The following BORCS7 variants were observed in gnomAD, a reference collection of about 807,000 sequenced individuals.
The protein encoded by BORCS7 is BLOC-1 related complex subunit 7, also known as BLOC-1-related complex subunit 7.
Under a neutral mutation model 17.5 loss-of-function variants are expected in BORCS7, and 20 were observed. That is an observed-to-expected ratio of 1.14 (90% CI 0.80 to 1.66). The LOEUF (loss-of-function observed/expected upper bound fraction) is 1.66. Among genes scored for constraint, BORCS7 ranks in the 40% most tolerant of loss-of-function variants. BORCS7 has a pLI of 0.00. For synonymous variants in BORCS7, 57 were observed against 49.8 expected, an observed-to-expected ratio of 1.14 and a Z score of -0.61; for missense variants, 122 against 129.7, an observed-to-expected ratio of 0.94 and a Z score of 0.29.
At chr10:102,857,201 TCC>T (rs1018254517) in intron 1 of BORCS7, among the ~76,000 whole-genome samples, 7 of 152,120 alleles carry the variant, frequency 4.6e-5, no homozygotes, top group African/African-American at 1.7e-4. Flanking sequence ...AGCCAATGCT[TCC>T]CCATCAGCAC....
At position 102,854,315 on chromosome 10, in the gene BORCS7, A is replaced by C; in HGVS notation, c.29A>C (p.Gln10Pro). The change falls in exon 1 of 5, where the codon CAA becomes CCA. Residue 10 changes from glutamine to proline, a missense_variant. Coordinates refer to ENST00000339834, the MANE Select transcript of BORCS7 (RefSeq NM_001136200.2). ...ATGGCGACTGGAACGCCAGAGTCTCAAGCGCGGTTCGGTCAGTCCGTGAAG... is the reference window on the plus strand; with the variant it reads ...ATGGCGACTGGAACGCCAGAGTCTCCAGCGCGGTTCGGTCAGTCCGTGAAG... MMATGTPESQARFGQSVKGL... is the reference protein window; with the variant it reads MMATGTPESPARFGQSVKGL... The C allele has an allele frequency of 1.2e-6, 2 of 1,604,244 alleles. No individual in the cohort carries two copies. The highest frequency in any genetic ancestry group is 1.7e-6 in the Non-Finnish European group (2 of 1,175,566).
chr10:102,859,744 G>C (rs978116998), intron 1 of BORCS7, among the ~76,000 whole-genome samples: 3 of 150,362 alleles, frequency 2.0e-5, no homozygotes, highest in Non-Finnish European at 3.0e-5. Flanking sequence ...TGTATTTTTC[G>C]GTAGAGATGC....
chr10:102,861,728 C>CA (rs1387770442), intron 3 of BORCS7, among the ~76,000 whole-genome samples: 1 of 149,300 alleles, frequency 6.7e-6, no homozygotes, highest in Non-Finnish European at 1.5e-5. Context: ...AAAAAAAAAA[C>CA]AAAAAAACAA....
At chr10:102,858,982 C>T (rs540045282) in intron 1 of BORCS7, among the ~76,000 whole-genome samples, 2 of 151,824 alleles carry the variant, frequency 1.3e-5, no homozygotes, top group East Asian at 3.9e-4. Flanking sequence ...GGCCAGAAAT[C>T]TCTGTTGGTC....
intron 1 of BORCS7, among the ~76,000 whole-genome samples, chr10:102,855,524 A>C (rs2134095230): frequency 6.6e-6 from 1 of 151,980 alleles, no homozygotes; most frequent in South Asian, 2.1e-4. Context: ...TGTGTAAAAA[A>C]CTCATTCCAC....
At position 102,854,436 on chromosome 10, in the gene BORCS7, G is replaced by C; in HGVS notation, c.141+9G>C. ...GCTCCCGGAGCTCCGAGGTGAGCTG[G>C]AAGTGGACTCTCCCGGCCTGATAGT... On this transcript the variant is annotated intron_variant, in intron 1 of 4. Coordinates refer to ENST00000339834, the MANE Select transcript of BORCS7 (RefSeq NM_001136200.2). 1 of 1,532,690 alleles carries C rather than the reference G, an allele frequency of 6.5e-7. No homozygotes were observed. The highest frequency in any genetic ancestry group is 8.8e-7 in the Non-Finnish European group (1 of 1,131,694). The allele number at this position is 1,532,690 out of a possible 1,614,324, so 94.9% of individuals were successfully genotyped here.
chr10:102,862,120 T>C (rs1373881800), intron 3 of BORCS7, 40 bp from the exon 4 acceptor site: 2 of 1,566,604 alleles, frequency 1.3e-6, no homozygotes, highest in Admixed American at 3.4e-5. Flanking sequence ...AACTTATTAG[T>C]TCACTTATGT....
intron 1 of BORCS7, among the ~76,000 whole-genome samples, chr10:102,855,317 C>G (rs1246961778): frequency 6.6e-6 from 1 of 151,958 alleles, no homozygotes; most frequent in Non-Finnish European, 1.5e-5. Context: ...CACCACCACA[C>G]CTGGCTATTT....
In BORCS7 at chr10:102,854,317, G is replaced by C; in HGVS notation, c.31G>C (p.Ala11Pro). The change falls in exon 1 of 5, where the codon GCG (alanine) becomes CCG (proline). Residue 11 changes from alanine to proline, a missense_variant. Ala to Pro is a conservative substitution (Grantham distance 27). Transcript: ENST00000339834. ...GGCGACTGGAACGCCAGAGTCTCAAGCGCGGTTCGGTCAGTCCGTGAAGGG... is the reference window on the plus strand; with the variant it reads ...GGCGACTGGAACGCCAGAGTCTCAACCGCGGTTCGGTCAGTCCGTGAAGGG... Reference protein sequence around the residue: MMATGTPESQARFGQSVKGLL... With the variant: MMATGTPESQPRFGQSVKGLL... 6.2e-7 allele frequency: 1 copy of C among 1,603,570 alleles called. No individual in the cohort carries two copies. The highest frequency in any genetic ancestry group is 8.5e-7 in the Non-Finnish European group (1 of 1,175,226).
intron 1 of BORCS7, among the ~76,000 whole-genome samples, chr10:102,858,906 T>C (rs1046341140): frequency 3.9e-5 from 6 of 151,916 alleles, no homozygotes; most frequent in Admixed American, 2.0e-4. Flanking sequence ...GCCGGTAGGA[T>C]ACACATAACA....
chr10:102,854,432 G>A lies in BORCS7; in HGVS notation c.141+5G>A. ...AAAGGCTCCCGGAGCTCCGAGGTGA[G>A]CTGGAAGTGGACTCTCCCGGCCTGA... On this transcript the variant is annotated splice_donor_5th_base_variant and intron_variant, in intron 1 of 4. Transcript: ENST00000339834. 6.5e-7 allele frequency: 1 copy of A among 1,533,216 alleles called. No homozygotes were observed. The highest frequency in any genetic ancestry group is 8.8e-7 in the Non-Finnish European group (1 of 1,132,142). The allele number at this position is 1,533,216 out of a possible 1,614,324, so 95.0% of individuals were successfully genotyped here.
chr10:102,854,317 G>T lies in BORCS7; in HGVS notation c.31G>T (p.Ala11Ser), dbSNP rs1233460444. 6 of 1,603,570 alleles carry T rather than the reference G, an allele frequency of 3.7e-6. No individual in the cohort carries two copies. Among genetic ancestry groups the T allele is most frequent in the Non-Finnish European group, 5.1e-6 (6 of 1,175,226 alleles). ...GGCGACTGGAACGCCAGAGTCTCAA[G>T]CGCGGTTCGGTCAGTCCGTGAAGGG... MMATGTPESQ[A>S]RFGQSVKGLL... The change falls in exon 1 of 5, where the codon GCG becomes TCG. Residue 11 changes from alanine to serine, a missense_variant. Transcript: ENST00000339834.
intron 1 of BORCS7, among the ~76,000 whole-genome samples, chr10:102,855,151 T>G (rs527897096): frequency 1.3e-5 from 2 of 150,436 alleles, no homozygotes; most frequent in Non-Finnish European, 3.0e-5. Flanking sequence ...TTGAAGGAAG[T>G]ACTTTTCCTT....
chr10:102,858,965 A>C (rs1844471504), intron 1 of BORCS7, among the ~76,000 whole-genome samples: 1 of 151,744 alleles, frequency 6.6e-6, no homozygotes. Flanking sequence ...AGCAGGGTGC[A>C]GTATTAGGCC....
intron 3 of BORCS7, among the ~76,000 whole-genome samples, chr10:102,861,794 T>C (rs1844525847): frequency 6.6e-6 from 1 of 152,134 alleles, no homozygotes; most frequent in African/African-American, 2.4e-5. Flanking sequence ...CACTCTTCGA[T>C]ATTTAAATAG....
intron 3 of BORCS7, among the ~76,000 whole-genome samples, chr10:102,861,727 A>AC (rs1343731136): frequency 2.0e-5 from 3 of 149,500 alleles, no homozygotes; most frequent in South Asian, 2.1e-4. Context: ...CAAAAAAAAA[A>AC]CAAAAAAACA....
rs758388520 is a variant in BORCS7, at chr10:102,862,970, G to T, written c.*46G>T. 8.9e-6 allele frequency: 13 copies of T among 1,455,416 alleles called. No individual in the cohort carries two copies. The South Asian group carries it at 1.5e-4, about 17-fold the overall frequency. 90.2% of individuals were successfully genotyped at this position (1,455,416 alleles called of 1,614,324 possible). ...TAGGACTCCTTTGCCTAATGCTGAG[G>T]AGTAAATACCTTACACAGCTGTCCT... On this transcript the variant is annotated 3_prime_UTR_variant, in exon 5 of 5. Transcript: ENST00000339834.
intron 1 of BORCS7, among the ~76,000 whole-genome samples, chr10:102,859,574 T>C (rs536652456): frequency 1.3e-5 from 2 of 151,270 alleles, no homozygotes; most frequent in African/African-American, 4.8e-5. Flanking sequence ...TTTTTTCTTT[T>C]TTTTTTTTTG....
chr10:102,854,465 G>A, intron 1 of BORCS7, 38 bp downstream of exon 1: 1 of 1,508,878 alleles, frequency 6.6e-7, no homozygotes, highest in Non-Finnish European at 8.9e-7. Flanking sequence ...TGATAGTCCG[G>A]GGAGTCGCAG....
Sources: allele counts gnomAD v4.1 joint callset (sites outside exome capture counted in the v4.1 genomes callset), GRCh38; gene constraint gnomAD v4.1.1; transcripts MANE v1.5; gene names NCBI Gene and HGNC (gene_info 2026-07-23, HGNC 2026-07-21).